Variants in LCOR observed in about 807,000 individuals in gnomAD.
LCOR encodes ligand-dependent corepressor.
In LCOR, 14 loss-of-function variants were observed where a neutral mutation model predicts 64.4. That is an observed-to-expected ratio of 0.22 (90% CI 0.14 to 0.34). The LOEUF is 0.34. Among genes scored for constraint, LCOR ranks in the 10% least tolerant of loss-of-function variants. The pLI is 1.00. For missense variants in LCOR, 1,686 were observed against 1,765.3 expected (o/e 0.96, Z 0.80); for synonymous variants, 643 against 642.5 (o/e 1.00, Z -0.01).
chr10:96,882,184 G>T (rs912798269), intron 2 of LCOR, among the ~76,000 whole-genome samples: 1 of 152,124 alleles, frequency 6.6e-6, no homozygotes, highest in Non-Finnish European at 1.5e-5. Flanking sequence ...GGGAAAAGGG[G>T]CATTGCTTTT....
chr10:96,981,037 C>A lies in LCOR; in HGVS notation c.577C>A (p.Leu193Met). 2.8e-6 allele frequency: 2 copies of A among 702,994 alleles called. No individual in the cohort carries two copies. Among genetic ancestry groups the A allele is most frequent in the South Asian group, 3.0e-5 (2 of 67,564 alleles). 43.5% of individuals were successfully genotyped at this position (702,994 alleles called of 1,614,324 possible). Residue 193 changes from leucine to methionine, a missense_variant, in exon 8 of 8, where the codon CTG becomes ATG. Physicochemically the swap from Leu to Met is conservative, Grantham distance 15. Coordinates refer to ENST00000421806, the MANE Select transcript of LCOR (RefSeq NM_001346516.2). ...CACCAAACATAAGGAAAAAGATGCTCTGTGTCTCGATATGAAGTCTTCTGC... is the reference window on the plus strand; with the variant it reads ...CACCAAACATAAGGAAAAAGATGCTATGTGTCTCGATATGAAGTCTTCTGC... ...LSTKHKEKDALCLDMKSSASV... is the reference protein window; with the variant it reads ...LSTKHKEKDAMCLDMKSSASV...
At chr10:96,848,894 ATCTTT>A (rs1007330331) in intron 2 of LCOR, among the ~76,000 whole-genome samples, 11 of 151,712 alleles carry the variant, frequency 7.3e-5, no homozygotes, top group Non-Finnish European at 1.0e-4. Context: ...ATATATTTCT[ATCTTT>A]TCTTTATACT....
chr10:96,938,681 A>T (rs2183447), intron 4 of LCOR, among the ~76,000 whole-genome samples: 10,146 of 152,282 alleles, frequency 0.067, 372 homozygotes, highest in East Asian at 0.18. Flanking sequence ...AAGTTCAGCA[A>T]GGTTCAGAAT....
chr10:96,969,822 C>T (rs1443797899), intron 7 of LCOR, among the ~76,000 whole-genome samples: 2 of 147,236 alleles, frequency 1.4e-5, no homozygotes, highest in South Asian at 2.2e-4. Context: ...CTCTGTTGCC[C>T]AGGCTGGAGT....
chr10:96,968,970 T>C (rs1381548186), intron 7 of LCOR, among the ~76,000 whole-genome samples: 1 of 152,166 alleles, frequency 6.6e-6, no homozygotes, highest in Non-Finnish European at 1.5e-5. Context: ...TTCACTTGCT[T>C]ATTACTACAT....
At chr10:96,843,621 A>G (rs1200506470) in intron 2 of LCOR, among the ~76,000 whole-genome samples, 4 of 152,242 alleles carry the variant, frequency 2.6e-5, no homozygotes, top group African/African-American at 9.6e-5. Context: ...TTTAGTTTGG[A>G]AAACTTCAAA....
chr10:96,931,074 T>C (rs1005419780), intron 4 of LCOR, among the ~76,000 whole-genome samples: 1 of 152,102 alleles, frequency 6.6e-6, no homozygotes, highest in Non-Finnish European at 1.5e-5. Flanking sequence ...TAAAAGTGTA[T>C]ATTTGTAAAG....
At chr10:96,845,449 CTTTTTTTTTTTTTTTTTTTTTTTTTTTT>C (rs762639752) in intron 2 of LCOR, among the ~76,000 whole-genome samples, 1 of 48,658 alleles carries the variant, frequency 2.1e-5, no homozygotes, top group African/African-American at 8.4e-5. Context: ...TGGGCTTATC[CTTTTTTTTTTTTTTTTTTTTTTTTTTTT>C]TTTTTTTTTG....
At chr10:96,957,584 ATAAAAT>A (rs1424999473) in intron 7 of LCOR, 2 of 985,276 alleles carry the variant, frequency 2.0e-6, no homozygotes, top group Admixed American at 1.2e-4. Flanking sequence ...TCAGTGTAAA[ATAAAAT>A]TAAAATTGGA....
At chr10:96,954,377 A>G (rs1365352700) in intron 7 of LCOR, among the ~76,000 whole-genome samples, 1 of 148,544 alleles carries the variant, frequency 6.7e-6, no homozygotes, top group African/African-American at 2.5e-5. Context: ...AAAATAAGAA[A>G]TGTTACTTGG....
In LCOR at chr10:96,985,948, C is replaced by T. The variant is rs549491187; in HGVS notation, c.*814C>T. On this transcript the variant is annotated 3_prime_UTR_variant, in exon 8 of 8. Coordinates refer to ENST00000421806, the MANE Select transcript of LCOR (RefSeq NM_001346516.2). The stretch of plus-strand genomic sequence containing the variant: ...CTTGCTAGCACTCCTGCAAGGCTTC[C>T]ATCCTACTTCGGGAGGAAAAAGCCT... 14 of 167,166 alleles carry T rather than the reference C, an allele frequency of 8.4e-5. No homozygotes were observed. The South Asian group carries it at 1.9e-3, about 22-fold the overall frequency. 10.4% of individuals were successfully genotyped at this position (167,166 alleles called of 1,614,324 possible).
At chr10:96,911,344 C>T (rs1465093227) in intron 4 of LCOR, among the ~76,000 whole-genome samples, 2 of 152,086 alleles carry the variant, frequency 1.3e-5, no homozygotes, top group Admixed American at 6.5e-5. Flanking sequence ...GTGATCCACT[C>T]GCCTCAGCCT....
intron 2 of LCOR, among the ~76,000 whole-genome samples, chr10:96,901,071 C>T (rs942772804): frequency 2.6e-5 from 4 of 151,894 alleles, no homozygotes; most frequent in Non-Finnish European, 4.4e-5. Context: ...CGCCTATAGT[C>T]GCAGCTACTC....
At chr10:96,848,878 C>T (rs1043347060) in intron 2 of LCOR, among the ~76,000 whole-genome samples, 3 of 151,942 alleles carry the variant, frequency 2.0e-5, no homozygotes, top group African/African-American at 4.8e-5. Flanking sequence ...CTTTCTTCCT[C>T]ATTTAATATA....
chr10:96,966,928 G>T (rs1275892211), intron 7 of LCOR, among the ~76,000 whole-genome samples: 2 of 152,182 alleles, frequency 1.3e-5, no homozygotes. Context: ...TGGAGACAAG[G>T]TTTCAGTACG....
chr10:96,961,577 G>T (rs2134544386), intron 7 of LCOR: 1 of 152,114 alleles, frequency 6.6e-6, no homozygotes, highest in East Asian at 1.9e-4. Flanking sequence ...ACCAGTATTA[G>T]TGCAGTCTTG....
chr10:96,858,267 ATG>A (rs994567556), intron 2 of LCOR, among the ~76,000 whole-genome samples: 4 of 152,180 alleles, frequency 2.6e-5, no homozygotes, highest in Non-Finnish European at 5.9e-5. Flanking sequence ...TTACTTCAAA[ATG>A]TAATGCTTTC....
intron 4 of LCOR, among the ~76,000 whole-genome samples, chr10:96,931,025 C>T (rs1013824773): frequency 6.6e-6 from 1 of 151,978 alleles, no homozygotes; most frequent in Non-Finnish European, 1.5e-5. Flanking sequence ...TACTTTATAG[C>T]CCTTCCTAGA....
At chr10:96,835,736 T>C (rs760162307) in intron 2 of LCOR, among the ~76,000 whole-genome samples, 4 of 152,210 alleles carry the variant, frequency 2.6e-5, no homozygotes, top group African/African-American at 4.8e-5. Flanking sequence ...AAAAATTAAT[T>C]CTCATTTCTA....
Sources: allele counts gnomAD v4.1 joint callset (sites outside exome capture counted in the v4.1 genomes callset), GRCh38; gene constraint gnomAD v4.1.1; transcripts MANE v1.5; gene names NCBI Gene and HGNC (gene_info 2026-07-23, HGNC 2026-07-21).